The following ELFN2 variants were observed in gnomAD, a reference collection of about 807,000 sequenced individuals.
ELFN2 encodes the protein extracellular leucine rich repeat and fibronectin type III domain containing 2.
In ELFN2, 17 loss-of-function variants were observed where a neutral mutation model predicts 45.5. The observed-to-expected ratio is 0.37, with a 90% CI of 0.26 to 0.56. The LOEUF is 0.56. Ranked by LOEUF, ELFN2 falls within the 20% of genes least tolerant of loss-of-function variation. ELFN2 has a pLI of 0.77. For missense variants in ELFN2, 922 were observed against 1,183.2 expected (o/e 0.78, Z 3.24); for synonymous variants, 550 against 551.5 (o/e 1.00, Z 0.04).
chr22:37,415,253 C>T (rs949599880), intron 2 of ELFN2, among the ~76,000 whole-genome samples: 3 of 152,230 alleles, frequency 2.0e-5, no homozygotes, highest in African/African-American at 7.2e-5. Flanking sequence ...TCCCCTGACT[C>T]GGTTATTCTC....
At chr22:37,384,024 A>C (rs1417629360) in intron 2 of ELFN2, among the ~76,000 whole-genome samples, 1 of 151,890 alleles carries the variant, frequency 6.6e-6, no homozygotes, top group Non-Finnish European at 1.5e-5. Context: ...GCCACCCCAA[A>C]GCCCTGTCAC....
At chr22:37,350,371 T>C (rs1168935109) in intron 1 of ELFN2, among the ~76,000 whole-genome samples, 2 of 150,378 alleles carry the variant, frequency 1.3e-5, no homozygotes, top group Admixed American at 1.3e-4. Context: ...TGGTACGCAG[T>C]GTGCAGCTGA....
At chr22:37,352,264 G>A (rs527831979) in intron 1 of ELFN2, 1 of 150,966 alleles carries the variant, frequency 6.6e-6, no homozygotes, top group African/African-American at 2.4e-5. Context: ...CAGCCTTCGT[G>A]TCCTCTACCA....
intron 2 of ELFN2, among the ~76,000 whole-genome samples, chr22:37,395,942 G>A (rs917695050): frequency 6.6e-6 from 1 of 152,192 alleles, no homozygotes; most frequent in East Asian, 1.9e-4. Flanking sequence ...GAAGGGTCAC[G>A]GACACAGCTG....
downstream of ELFN2, among the ~76,000 whole-genome samples, chr22:37,363,511 T>C (rs1386227536): frequency 6.6e-6 from 1 of 151,926 alleles, no homozygotes. Context: ...CGGTCTGAGA[T>C]GCAGGTGAGG....
chr22:37,360,527 G>A (rs1238898555), intron 1 of ELFN2, among the ~76,000 whole-genome samples: 1 of 152,180 alleles, frequency 6.6e-6, no homozygotes, highest in Non-Finnish European at 1.5e-5. Context: ...CTCCAGTTAA[G>A]AGCCGTGGAC....
At chr22:37,411,129 T>G (rs1284387776) in intron 2 of ELFN2, among the ~76,000 whole-genome samples, 1 of 152,044 alleles carries the variant, frequency 6.6e-6, no homozygotes, top group African/African-American at 2.4e-5. Flanking sequence ...ACTTGACAGG[T>G]GAGGACACTG....
At chr22:37,349,845 G>A (rs182218568) in intron 1 of ELFN2, among the ~76,000 whole-genome samples, 6 of 151,306 alleles carry the variant, frequency 4.0e-5, no homozygotes, top group Middle Eastern at 3.4e-3. Context: ...GTCAGAGAGA[G>A]CAACATTGAA....
Position 37,408,719 on chromosome 22 carries a change from T to G in ELFN2, c.-463+9050A>C, listed in dbSNP as rs1344331743. ...AAGGCAGTCAGGTTCAGATGGCCAG[T>G]TTCAAATCCTGATTTCATCACCGAG... On this transcript the variant is annotated intron_variant, in intron 2 of 2. Coordinates refer to ENST00000402918, the MANE Select transcript of ELFN2 (RefSeq NM_052906.5). 2.0e-5 allele frequency among the ~76,000 whole-genome samples: 3 copies of G among 152,162 alleles called. No individual in the cohort carries two copies. The East Asian group carries it at 5.8e-4, about 29-fold the overall frequency.
intron 1 of ELFN2, chr22:37,354,493 T>C (rs1455354417): frequency 6.6e-6 from 1 of 152,242 alleles, no homozygotes; most frequent in African/African-American, 2.4e-5. Flanking sequence ...CTTCCATACC[T>C]TTTTCTATGC....
At chr22:37,419,895 G>A (rs1932796035) in intron 1 of ELFN2, among the ~76,000 whole-genome samples, 1 of 152,160 alleles carries the variant, frequency 6.6e-6, no homozygotes, top group South Asian at 2.1e-4. Flanking sequence ...CTGTGCCCCT[G>A]CCCAGCGCGG....
At chr22:37,382,654 A>G (rs1931822663) in intron 2 of ELFN2, among the ~76,000 whole-genome samples, 1 of 150,104 alleles carries the variant, frequency 6.7e-6, no homozygotes, top group Non-Finnish European at 1.5e-5. Context: ...GGCTCAAGCA[A>G]TTCTCGTGTC....
intron 1 of ELFN2, among the ~76,000 whole-genome samples, chr22:37,418,581 C>T (rs970274730): frequency 2.0e-5 from 3 of 151,978 alleles, no homozygotes; most frequent in African/African-American, 7.3e-5. Flanking sequence ...CACTCTCACA[C>T]TCCCCTGACC....
In ELFN2 at chr22:37,375,232, G is replaced by T; in HGVS notation, c.303C>A (p.Gly101=). The change falls in exon 3 of 3, where the codon GGC becomes GGA. Residue 101 remains glycine, a synonymous_variant. Transcript: ENST00000402918. ...GCTGCAGGACCTGCAGGCTCGACTG[G>T]CCCAGGAAGGCACCGTCCTCGATGT... ...ISYIEDGAFL[G]QSSLQVLQLG... 6.2e-7 allele frequency: 1 copy of T among 1,614,148 alleles called. No homozygotes were observed. The highest frequency in any genetic ancestry group is 2.2e-5 in the East Asian group (1 of 44,880).
chr22:37,376,611 T>G (rs2145639109), intron 2 of ELFN2, among the ~76,000 whole-genome samples: 1 of 152,310 alleles, frequency 6.6e-6, no homozygotes, highest in South Asian at 2.1e-4. Context: ...TGTCTCAGCT[T>G]CCATGGGGGA....
intron 1 of ELFN2, chr22:37,427,050 T>TCCCA (rs1310373707): frequency 6.6e-6 from 1 of 152,088 alleles, no homozygotes; most frequent in Non-Finnish European, 1.5e-5. Flanking sequence ...CTCGGTGTCC[T>TCCCA]CCCACCGCCT....
intron 2 of ELFN2, among the ~76,000 whole-genome samples, chr22:37,387,033 C>T (rs2145653337): frequency 6.6e-6 from 1 of 152,252 alleles, no homozygotes; most frequent in South Asian, 2.1e-4. Context: ...GCAGGTATCG[C>T]TGTGAGGGTC....
chr22:37,389,979 C>G (rs996024384), intron 2 of ELFN2, among the ~76,000 whole-genome samples: 1 of 152,182 alleles, frequency 6.6e-6, no homozygotes, highest in Non-Finnish European at 1.5e-5. Flanking sequence ...GGGTGAGGAA[C>G]CTGGCCTGCC....
intron 2 of ELFN2, among the ~76,000 whole-genome samples, chr22:37,407,768 G>A (rs1184062885): frequency 5.3e-5 from 8 of 151,998 alleles, no homozygotes; most frequent in African/African-American, 1.4e-4. Flanking sequence ...GGTGGCAAGC[G>A]CCTGTAGTCC....
Sources: allele counts gnomAD v4.1 joint callset (sites outside exome capture counted in the v4.1 genomes callset), GRCh38; gene constraint gnomAD v4.1.1; transcripts MANE v1.5; gene names NCBI Gene and HGNC (gene_info 2026-07-23, HGNC 2026-07-21).